Variants in ADAM17 observed in about 807,000 individuals in gnomAD.
ADAM17 encodes ADAM metallopeptidase domain 17, also known as disintegrin and metalloproteinase domain-containing protein 17.
Under a neutral mutation model 96.7 loss-of-function variants are expected in ADAM17, and 39 were observed. The observed-to-expected ratio is 0.40, with a 90% CI of 0.31 to 0.53. The LOEUF (loss-of-function observed/expected upper bound fraction) is 0.53. Among genes scored for constraint, ADAM17 ranks in the 20% least tolerant of loss-of-function variants. The pLI is 0.44. For missense variants in ADAM17, 777 were observed against 1,013.2 expected (o/e 0.77, Z 3.17); for synonymous variants, 344 against 359.2 (o/e 0.96, Z 0.48).
At chr2:9,501,284 T>C (rs1250905853) in intron 13 of ADAM17, among the ~76,000 whole-genome samples, 1 of 152,178 alleles carries the variant, frequency 6.6e-6, no homozygotes, top group Non-Finnish European at 1.5e-5. Flanking sequence ...GATTACTTTA[T>C]ACTCATCATG....
intron 14 of ADAM17, among the ~76,000 whole-genome samples, chr2:9,496,054 T>C (rs1662570997): frequency 6.6e-6 from 1 of 152,150 alleles, no homozygotes; most frequent in South Asian, 2.1e-4. Flanking sequence ...CTCCACTGTA[T>C]GGATGGTGAG....
intron 16 of ADAM17, 26 bp downstream of exon 16, chr2:9,493,717 CTCAG>C (rs1662339155): frequency 6.3e-7 from 1 of 1,587,258 alleles, no homozygotes; most frequent in Non-Finnish European, 8.6e-7. Context: ...TGACTCAGCT[CTCAG>C]TAAGTAATCT....
intron 1 of ADAM17, among the ~76,000 whole-genome samples, chr2:9,550,790 G>A (rs1665565477): frequency 6.6e-6 from 1 of 150,812 alleles, no homozygotes; most frequent in South Asian, 2.1e-4. Flanking sequence ...TGGGGCAGTG[G>A]TTCACGTCTG....
intron 13 of ADAM17, among the ~76,000 whole-genome samples, chr2:9,500,458 A>G (rs1662931807): frequency 6.6e-6 from 1 of 152,224 alleles, no homozygotes; most frequent in Non-Finnish European, 1.5e-5. Flanking sequence ...TTCTGGAGTA[A>G]TGTAAATGTT....
intron 2 of ADAM17, among the ~76,000 whole-genome samples, chr2:9,537,771 AT>A (rs1369504293): frequency 6.6e-6 from 1 of 151,406 alleles, no homozygotes; most frequent in Non-Finnish European, 1.5e-5. Context: ...TCAAAACAAC[AT>A]ATCTTGCAAA....
Position 9,517,934 on chromosome 2 carries a change from G to A in ADAM17, c.1158C>T (p.Ser386=). The A allele has an allele frequency of 6.2e-7, 1 of 1,603,038 alleles. No homozygotes were observed. ...KNIYLNSGLT[S]TKNYGKTILT... is the part of the protein sequence containing the mutation. ...GGATGGTTTTACCATAATTCTTTGT[G>A]CTCGTCAAACCACTATTCAAATAGA... The change falls in exon 10 of 19, where the codon AGC becomes AGT. Residue 386 remains serine, a synonymous_variant. Coordinates refer to ENST00000310823, the MANE Select transcript of ADAM17 (RefSeq NM_003183.6).
chr2:9,492,858 T>G (rs1343484012), intron 17 of ADAM17, 40 bp downstream of exon 17: 2 of 1,540,986 alleles, frequency 1.3e-6, no homozygotes, highest in Non-Finnish European at 1.8e-6. Context: ...TGATCAAAAT[T>G]TAAATAAAAC....
chr2:9,553,834 TG>T (rs2125048374), intron 1 of ADAM17, among the ~76,000 whole-genome samples: 1 of 152,012 alleles, frequency 6.6e-6, no homozygotes, highest in South Asian at 2.1e-4. Flanking sequence ...GAGGCCCAGG[TG>T]GGCGGATCAC....
At chr2:9,525,267 C>T (rs564135026) in intron 6 of ADAM17, among the ~76,000 whole-genome samples, 6 of 149,210 alleles carry the variant, frequency 4.0e-5, no homozygotes, top group African/African-American at 1.5e-4. Context: ...CCACTGCACT[C>T]CAGCCTGGGC....
At chr2:9,490,642 G>A in intron 18 of ADAM17, 124 bp from the exon 19 acceptor site, 1 of 1,006,430 alleles carries the variant, frequency 9.9e-7, no homozygotes, top group Non-Finnish European at 1.4e-6. Flanking sequence ...AGAAAAAAGT[G>A]CTAGGTGAGG....
chr2:9,516,253 T>C (rs967997793), intron 10 of ADAM17, among the ~76,000 whole-genome samples: 1 of 152,080 alleles, frequency 6.6e-6, no homozygotes, highest in Non-Finnish European at 1.5e-5. Flanking sequence ...TTTATTTATT[T>C]ATTTATTTTT....
At chr2:9,553,868 C>T (rs1665659681) in intron 1 of ADAM17, among the ~76,000 whole-genome samples, 1 of 151,858 alleles carries the variant, frequency 6.6e-6, no homozygotes, top group Non-Finnish European at 1.5e-5. Context: ...TCTAGACCAG[C>T]CTGGCCAACA....
At chr2:9,547,111 CTTTT>C (rs755051483) in intron 1 of ADAM17, among the ~76,000 whole-genome samples, 5 of 152,206 alleles carry the variant, frequency 3.3e-5, no homozygotes, top group Admixed American at 6.5e-5. Context: ...ATTTTGTTAT[CTTTT>C]TTGTCATCTG....
At position 9,545,905 on chromosome 2, in the gene ADAM17, G is replaced by A. The variant is rs1346377287; in HGVS notation, c.98-2620C>T. 2.0e-5 allele frequency among the ~76,000 whole-genome samples: 3 copies of A among 151,968 alleles called. No individual in the cohort carries two copies. In the East Asian group the frequency reaches 5.8e-4, roughly 29 times the overall value. On this transcript the variant is annotated intron_variant, in intron 1 of 18. Coordinates refer to ENST00000310823, the MANE Select transcript of ADAM17 (RefSeq NM_003183.6). ...CCCAAGGAGTTCGAGACCAGCCTGG[G>A]CAAAATAGTGAGACCCTCATCTCTC...
At chr2:9,503,969 A>C (rs1415543144) in intron 12 of ADAM17, among the ~76,000 whole-genome samples, 2 of 152,144 alleles carry the variant, frequency 1.3e-5, no homozygotes, top group Non-Finnish European at 2.9e-5. Flanking sequence ...CTTGGGCAAC[A>C]TGGCAAAACC....
At chr2:9,518,469 G>C (rs1234543253) in intron 8 of ADAM17, among the ~76,000 whole-genome samples, 1 of 152,114 alleles carries the variant, frequency 6.6e-6, no homozygotes, top group African/African-American at 2.4e-5. Context: ...TCTGACAAGG[G>C]ACACAAAAGG....
chr2:9,541,575 A>C lies in ADAM17; in HGVS notation c.230+1578T>G, dbSNP rs531671986. Among the ~76,000 whole-genome samples, 3 of 152,290 alleles carry C rather than the reference A, an allele frequency of 2.0e-5. No individual in the cohort carries two copies. The East Asian group carries it at 5.8e-4, about 29-fold the overall frequency. Reference sequence around the variant, plus strand: ...CAAAAACTCTGTCTCAAAAAACAAAAAACAAAACAAAACAAAAAATTGGAA... The same window carrying C: ...CAAAAACTCTGTCTCAAAAAACAAACAACAAAACAAAACAAAAAATTGGAA... On this transcript the variant is annotated intron_variant, in intron 2 of 18. Transcript: ENST00000310823.
chr2:9,538,196 G>C (rs1352949844), intron 2 of ADAM17, among the ~76,000 whole-genome samples: 1 of 152,134 alleles, frequency 6.6e-6, no homozygotes, highest in Non-Finnish European at 1.5e-5. Context: ...CTTTCAATGT[G>C]TCCATGAACA....
At chr2:9,529,961 C>A (rs1381831521) in intron 4 of ADAM17, among the ~76,000 whole-genome samples, 1 of 146,258 alleles carries the variant, frequency 6.8e-6, no homozygotes, top group Non-Finnish European at 1.5e-5. Flanking sequence ...GAGACTCCAT[C>A]TCAAAAATAC....
Sources: gnomAD v4.1 joint callset for allele counts (sites outside exome capture counted in the v4.1 genomes callset) on GRCh38, gnomAD v4.1.1 for gene constraint, MANE v1.5 for transcripts, NCBI Gene and HGNC (gene_info 2026-07-23, HGNC 2026-07-21) for gene names.